Variants in STPG2 observed in about 807,000 individuals in gnomAD.
The protein encoded by STPG2 is sperm-tail PG-rich repeat-containing protein 2.
In STPG2, 56 loss-of-function variants were observed where a neutral mutation model predicts 54.2. The ratio of observed to expected loss-of-function variants is 1.03; its 90% CI spans 0.83 to 1.29. STPG2 has a LOEUF of 1.29. STPG2 is among the 50% of genes most tolerant of loss of function. STPG2 has a pLI of 0.00. For missense variants in STPG2, 596 were observed against 544.9 expected (o/e 1.09, Z -0.93); for synonymous variants, 200 against 181.8 (o/e 1.10, Z -0.81).
At chr4:97,524,609 C>A (rs1383173719) in intron 4 of STPG2, among the ~76,000 whole-genome samples, 1 of 151,872 alleles carries the variant, frequency 6.6e-6, no homozygotes, top group Admixed American at 6.6e-5. Context: ...ATTTTTATGG[C>A]ATTTGAACCA....
intron 5 of STPG2, among the ~76,000 whole-genome samples, chr4:98,089,920 T>C (rs1328025443): frequency 6.6e-6 from 1 of 152,118 alleles, no homozygotes; most frequent in African/African-American, 2.4e-5. Context: ...TGTTTATTTG[T>C]TTGACTTCCT....
intron 9 of STPG2, among the ~76,000 whole-genome samples, chr4:97,778,873 G>C (rs1578555744): frequency 1.3e-5 from 2 of 152,308 alleles, no homozygotes; most frequent in East Asian, 1.9e-4. Context: ...TGAGGGTCCT[G>C]TCTGATAGAA....
intron 10 of STPG2, among the ~76,000 whole-genome samples, chr4:97,645,499 T>TA (rs1721887119): frequency 1.3e-5 from 2 of 152,146 alleles, no homozygotes; most frequent in African/African-American, 4.8e-5. Flanking sequence ...TCCAGAATCT[T>TA]AGACTTCACT....
intron 4 of STPG2, among the ~76,000 whole-genome samples, chr4:97,516,944 G>A (rs960728955): frequency 6.6e-6 from 1 of 151,694 alleles, no homozygotes; most frequent in African/African-American, 2.4e-5. Flanking sequence ...GTCTTACTCT[G>A]TTGCCAAGGC....
At chr4:97,559,882 T>G (rs182264184) in intron 10 of STPG2, among the ~76,000 whole-genome samples, 1 of 152,346 alleles carries the variant, frequency 6.6e-6, no homozygotes, top group Admixed American at 6.5e-5. Flanking sequence ...AAATATATAG[T>G]AAGAGCCTAC....
chr4:97,813,775 A>G (rs776060626), intron 9 of STPG2, among the ~76,000 whole-genome samples: 11 of 150,170 alleles, frequency 7.3e-5, no homozygotes, highest in Admixed American at 1.3e-4. Flanking sequence ...AATATATTTA[A>G]TATATTTTTA....
chr4:97,749,959 A>G (rs1481775137), intron 9 of STPG2, among the ~76,000 whole-genome samples: 2 of 151,786 alleles, frequency 1.3e-5, no homozygotes, highest in African/African-American at 4.8e-5. Flanking sequence ...GCTTCTGCCA[A>G]GCATCCTAGG....
At chr4:97,739,611 T>C (rs1213109903) in intron 9 of STPG2, among the ~76,000 whole-genome samples, 1 of 152,198 alleles carries the variant, frequency 6.6e-6, no homozygotes, top group African/African-American at 2.4e-5. Context: ...CTAGAAAATC[T>C]TGAAGAAATG....
chr4:98,024,755 C>T (rs1736359612), intron 5 of STPG2, among the ~76,000 whole-genome samples: 1 of 152,162 alleles, frequency 6.6e-6, no homozygotes, highest in South Asian at 2.1e-4. Context: ...TGTGCTTTCT[C>T]TCAATATAAT....
intron 7 of STPG2, among the ~76,000 whole-genome samples, chr4:97,967,969 C>T (rs1227250564): frequency 6.6e-6 from 1 of 152,024 alleles, no homozygotes; most frequent in African/African-American, 2.4e-5. Context: ...CAAGAGCAAA[C>T]ACATTCAAAA....
intron 5 of STPG2, among the ~76,000 whole-genome samples, chr4:98,068,244 T>A (rs961856907): frequency 1.3e-4 from 20 of 152,244 alleles, no homozygotes; most frequent in Admixed American, 1.1e-3. Context: ...AAACATCACT[T>A]CTAAAGAAGA....
chr4:97,538,923 T>G (rs112363185), intron 4 of STPG2, among the ~76,000 whole-genome samples: 5 of 152,164 alleles, frequency 3.3e-5, no homozygotes, highest in South Asian at 2.1e-4. Context: ...CAACCCAGAA[T>G]TTCATATCCA....
intron 10 of STPG2, among the ~76,000 whole-genome samples, chr4:97,575,431 G>C (rs139806451): frequency 2.6e-4 from 39 of 152,148 alleles, no homozygotes; most frequent in African/African-American, 8.4e-4. Flanking sequence ...CCAAAGTCGA[G>C]TAGGCTTTAT....
At chr4:97,923,942 G>A (rs1230431373) in intron 8 of STPG2, among the ~76,000 whole-genome samples, 1 of 152,180 alleles carries the variant, frequency 6.6e-6, no homozygotes, top group African/African-American at 2.4e-5. Flanking sequence ...GGATGTGGGT[G>A]GGGCCAGATA....
At chr4:98,087,603 C>T (rs561741306) in intron 5 of STPG2, among the ~76,000 whole-genome samples, 8 of 143,068 alleles carry the variant, frequency 5.6e-5, no homozygotes, top group Admixed American at 2.2e-4. Flanking sequence ...CTCTGTCGCT[C>T]AGGTTGGAAT....
At chr4:97,598,388 A>T (rs551436810) in intron 10 of STPG2, among the ~76,000 whole-genome samples, 248 of 152,246 alleles carry the variant, frequency 1.6e-3, no homozygotes, top group African/African-American at 5.9e-3. Context: ...AAAACATTTT[A>T]AAATTCATAT....
chr4:97,496,041 T>C (rs369401732), intron 4 of STPG2, among the ~76,000 whole-genome samples: 1 of 151,658 alleles, frequency 6.6e-6, no homozygotes, highest in African/African-American at 2.4e-5. Flanking sequence ...TGCATAAATA[T>C]GTTGAAAATC....
chr4:97,852,395 A>G (rs1454755785), intron 8 of STPG2, among the ~76,000 whole-genome samples: 1 of 152,178 alleles, frequency 6.6e-6, no homozygotes, highest in South Asian at 2.1e-4. Flanking sequence ...GGTTATATTT[A>G]TAGCCTTATT....
chr4:98,057,109 C>T (rs1293746583), intron 5 of STPG2, among the ~76,000 whole-genome samples: 1 of 152,160 alleles, frequency 6.6e-6, no homozygotes, highest in Non-Finnish European at 1.5e-5. Context: ...AAAGAATCAG[C>T]TGAAGAATGC....
Sources: gnomAD v4.1 joint callset for allele counts (sites outside exome capture counted in the v4.1 genomes callset) on GRCh38, gnomAD v4.1.1 for gene constraint, MANE v1.5 for transcripts, NCBI Gene and HGNC (gene_info 2026-07-23, HGNC 2026-07-21) for gene names.